Variants in TAF2 observed in about 807,000 individuals in gnomAD.
TAF2 encodes transcription initiation factor TFIID subunit 2.
In TAF2, 61 loss-of-function variants were observed where a neutral mutation model predicts 138.5. The ratio of observed to expected loss-of-function variants is 0.44; its 90% CI spans 0.36 to 0.54. The LOEUF is 0.54. Ranked by LOEUF, TAF2 falls within the 20% of genes least tolerant of loss-of-function variation. TAF2 has a pLI of 0.00. For synonymous variants in TAF2, 475 were observed against 469.9 expected (o/e 1.01, Z -0.14); for missense variants, 1,090 against 1,427.9 (o/e 0.76, Z 3.81).
At chr8:119,760,550 T>C in intron 20 of TAF2, 49 bp downstream of exon 20, 2 of 1,599,688 alleles carry the variant, frequency 1.3e-6, no homozygotes, top group Non-Finnish European at 1.7e-6. Flanking sequence ...CTTTAAAAAG[T>C]AAATAGTTCT....
At position 119,762,452 on chromosome 8, in the gene TAF2, T is replaced by C. The variant is rs1175458801; in HGVS notation, c.2521A>G (p.Lys841Glu). The C allele has an allele frequency of 6.2e-7, 1 of 1,613,974 alleles. No individual in the cohort carries two copies. ...EEITRFLNME[K>E]LLPSYRHTIT... is the part of the protein sequence containing the mutation. Reference sequence around the variant, plus strand: ...GTATGCCTGTAACTCGGAAGAAGTTTTTCCATATTCAAAAATCTGGTGATT... The same window carrying C: ...GTATGCCTGTAACTCGGAAGAAGTTCTTCCATATTCAAAAATCTGGTGATT... The change falls in exon 19 of 26, where the codon AAA becomes GAA. Residue 841 changes from lysine to glutamate, a missense_variant. This residue lies in a region of TAF2 where 580 missense variants were observed against 719.6 expected (regional missense o/e 0.81). Transcript: ENST00000378164.
intron 25 of TAF2, among the ~76,000 whole-genome samples, chr8:119,735,977 T>C (rs1161084854): frequency 6.6e-6 from 1 of 152,202 alleles, no homozygotes; most frequent in African/African-American, 2.4e-5. Context: ...GTTGGCTGTC[T>C]GCACTCTTGG....
chr8:119,773,646 T>C (rs938311690), intron 18 of TAF2, among the ~76,000 whole-genome samples: 1 of 151,526 alleles, frequency 6.6e-6, no homozygotes, highest in Non-Finnish European at 1.5e-5. Flanking sequence ...TCTAAAATAA[T>C]GATCTTGAAA....
At chr8:119,789,024 A>G in intron 12 of TAF2, 120 bp from the exon 13 acceptor site, 1 of 719,632 alleles carries the variant, frequency 1.4e-6, no homozygotes, top group Non-Finnish European at 2.5e-6. Context: ...GTTTGAGAGC[A>G]TACGCTACAG....
chr8:119,805,884 G>A (rs1210023244), intron 4 of TAF2, among the ~76,000 whole-genome samples: 1 of 149,662 alleles, frequency 6.7e-6, no homozygotes, highest in Non-Finnish European at 1.5e-5. Flanking sequence ...CATCGTTAAT[G>A]TTCTTTCGTT....
chr8:119,791,709 G>A, intron 10 of TAF2: 1 of 404,162 alleles, frequency 2.5e-6, no homozygotes, highest in Non-Finnish European at 4.6e-6. Flanking sequence ...ATACAATACT[G>A]TAAATACTTC....
chr8:119,810,422 C>T (rs1824972158), intron 3 of TAF2, among the ~76,000 whole-genome samples: 1 of 152,102 alleles, frequency 6.6e-6, no homozygotes, highest in Non-Finnish European at 1.5e-5. Context: ...TTATTTTCAG[C>T]TTTGGAAGTG....
intron 10 of TAF2, chr8:119,791,811 T>C (rs1430171255): frequency 6.1e-6 from 1 of 162,658 alleles, no homozygotes; most frequent in East Asian, 1.7e-4. Flanking sequence ...AGATTGATTA[T>C]ATATGTAAAA....
Position 119,785,181 on chromosome 8 carries a change from A to G in TAF2, c.1859+20T>C. 1.9e-6 allele frequency: 3 copies of G among 1,585,784 alleles called. No homozygotes were observed. Among genetic ancestry groups the G allele is most frequent in the Non-Finnish European group, 2.6e-6 (3 of 1,154,542 alleles). On this transcript the variant is annotated intron_variant, in intron 15 of 25. Transcript: ENST00000378164. ...AATGCAGAAAGTATTATAACCTTAT[A>G]TTTAAGTTAACTAACTTACTCCATT...
chr8:119,794,330 A>G (rs1301263685), intron 9 of TAF2, among the ~76,000 whole-genome samples: 3 of 151,168 alleles, frequency 2.0e-5, no homozygotes, highest in African/African-American at 4.9e-5. Context: ...CGGGAGGCAG[A>G]GGTTGCAGTG....
At position 119,814,835 on chromosome 8, in the gene TAF2, G is replaced by T. The variant is rs564507619; in HGVS notation, c.299+4511C>A. 2.0e-5 allele frequency among the ~76,000 whole-genome samples: 3 copies of T among 151,530 alleles called. No homozygotes were observed. In the East Asian group the frequency reaches 5.8e-4, roughly 29 times the overall value. On this transcript the variant is annotated intron_variant, in intron 3 of 25. Coordinates refer to ENST00000378164, the MANE Select transcript of TAF2 (RefSeq NM_003184.4). Reference sequence around the variant, plus strand: ...GAGACAGGAGAATCGCTTGAACCCAGGAGGTGGAGGTTGCAGTGAGCCAAG... The same window carrying T: ...GAGACAGGAGAATCGCTTGAACCCATGAGGTGGAGGTTGCAGTGAGCCAAG...
intron 20 of TAF2, among the ~76,000 whole-genome samples, chr8:119,759,579 T>C (rs1241649074): frequency 6.6e-5 from 10 of 152,178 alleles, no homozygotes; most frequent in Admixed American, 2.6e-4. Context: ...AAAATTATTT[T>C]TGAAATATGC....
Position 119,756,137 on chromosome 8 carries a change from A to G in TAF2, c.2769-22T>C, listed in dbSNP as rs572763910. The G allele has an allele frequency of 1.0e-5, 16 of 1,594,022 alleles. No individual in the cohort carries two copies. The African/African-American group carries it at 1.7e-4, about 17-fold the overall frequency. On this transcript the variant is annotated intron_variant, in intron 21 of 25. Coordinates refer to ENST00000378164, the MANE Select transcript of TAF2 (RefSeq NM_003184.4). The stretch of plus-strand genomic sequence containing the variant: ...ATGCCTGAAAGATTAAAAAAAATTA[A>G]ATTTTTGCTGACCTTTTACTGACAG...
chr8:119,746,611 G>A (rs1819992152), intron 23 of TAF2, 94 bp downstream of exon 23: 39 of 1,271,554 alleles, frequency 3.1e-5, no homozygotes, highest in South Asian at 8.4e-5. Context: ...CTGTGTTAGT[G>A]GCTATAAAAT....
Position 119,742,642 on chromosome 8 carries a change from G to A in TAF2, c.3229C>T (p.Arg1077Trp), listed in dbSNP as rs769065369. The A allele has an allele frequency of 3.6e-5, 58 of 1,613,558 alleles. 1 individual carries two copies. The highest frequency in any genetic ancestry group is 1.3e-4 in the Admixed American group (8 of 59,952). Reference protein sequence around the residue: ...RPSTPGLSKYRPASSRSALIP... With the variant: ...RPSTPGLSKYWPASSRSALIP... ...AAAGCAGATCGGGAGCTAGCTGGCC[G>A]ATATTTCGAGAGCCCTAAAATGCCA... is the stretch of plus-strand genomic sequence containing the variant. Residue 1077 changes from arginine to tryptophan, a missense_variant, in exon 25 of 26, where the codon CGG (arginine) becomes TGG (tryptophan). Physicochemically the swap from Arg to Trp is moderately radical, Grantham distance 101 (BLOSUM62 -3). Transcript: ENST00000378164.
chr8:119,797,604 A>G, intron 7 of TAF2, 58 bp downstream of exon 7: 1 of 1,536,526 alleles, frequency 6.5e-7, no homozygotes, highest in Non-Finnish European at 9.0e-7. Context: ...CAAAATCAGT[A>G]AATTTTCTTC....
intron 17 of TAF2, among the ~76,000 whole-genome samples, chr8:119,779,594 C>T (rs1198815565): frequency 6.6e-6 from 1 of 152,174 alleles, no homozygotes; most frequent in East Asian, 1.9e-4. Flanking sequence ...CTTCTTTGAT[C>T]ACACCATTAT....
At chr8:119,797,411 A>G (rs1823905688) in intron 7 of TAF2, among the ~76,000 whole-genome samples, 1 of 152,062 alleles carries the variant, frequency 6.6e-6, no homozygotes, top group African/African-American at 2.4e-5. Flanking sequence ...TATGAACACA[A>G]GACTAAAACA....
intron 18 of TAF2, among the ~76,000 whole-genome samples, chr8:119,775,532 G>A (rs978963092): frequency 4.0e-5 from 6 of 151,456 alleles, no homozygotes; most frequent in Non-Finnish European, 7.4e-5. Flanking sequence ...GTGAAACCTC[G>A]TCTCTACTAA....
Sources: gnomAD v4.1 joint callset for allele counts (sites outside exome capture counted in the v4.1 genomes callset) on GRCh38, gnomAD v4.1.1 for gene constraint, gnomAD v4.1.1 regional missense constraint, MANE v1.5 for transcripts, NCBI Gene and HGNC (gene_info 2026-07-23, HGNC 2026-07-21) for gene names.